OTUD6B: variants seen among roughly 807,000 people sequenced by gnomAD.
The protein encoded by OTUD6B is deubiquitinase OTUD6B.
OTUD6B carries 41 observed loss-of-function variants against 36.9 expected under a neutral mutation model. That is an observed-to-expected ratio of 1.11 (90% CI 0.87 to 1.44). OTUD6B has a LOEUF of 1.44. OTUD6B is among the 40% of genes most tolerant of loss of function. The probability of loss-of-function intolerance (pLI) is 0.00; values close to 1 mark genes in which losing one functional copy is unlikely to be tolerated. For missense variants in OTUD6B, 356 were observed against 344.8 expected (o/e 1.03, Z -0.26); for synonymous variants, 114 against 114.2 (o/e 1.00, Z 0.01).
intron 3 of OTUD6B, among the ~76,000 whole-genome samples, chr8:91,077,375 A>AT (rs1812822161): frequency 6.6e-6 from 1 of 152,028 alleles, no homozygotes. Context: ...CTGTATATTA[A>AT]TTATATGCCT....
chr8:91,073,627 G>T (rs1397832653), intron 2 of OTUD6B: 4 of 297,760 alleles, frequency 1.3e-5, no homozygotes, highest in Non-Finnish European at 2.0e-5. Flanking sequence ...AGGAAAGCAT[G>T]CAGGGATGAG....
Position 91,080,735 on chromosome 8 carries a change from G to A in OTUD6B, c.690+5G>A. On this transcript the variant is annotated splice_donor_5th_base_variant and intron_variant, in intron 5 of 6. Transcript: ENST00000404789. ...GCATGGGGAGGTCAGCTTGAGGTAA[G>A]TTTGTAGTTATTCATAGTGATTGTG... The A allele has an allele frequency of 1.3e-6, 2 of 1,590,994 alleles. No homozygotes were observed. The highest frequency in any genetic ancestry group is 8.6e-7 in the Non-Finnish European group (1 of 1,165,644).
rs1041087481 is a variant in OTUD6B, at chr8:91,070,438, G to C, written c.54G>C (p.Arg18Ser). The C allele has an allele frequency of 1.9e-6, 3 of 1,584,058 alleles. No individual in the cohort carries two copies. Among genetic ancestry groups the C allele is most frequent in the Non-Finnish European group, 2.6e-6 (3 of 1,164,648 alleles). ...ELDEEEQLLR[R>S]HRKEKKELQA... is the part of the protein sequence containing the mutation. ...ATGAGGAAGAGCAGCTGCTGAGAAG[G>C]CATCGCAAAGAGAAGAAGGAGTTGC... Residue 18 changes from arginine to serine, a missense_variant, in exon 1 of 7, where the codon AGG (arginine) becomes AGC (serine). Transcript: ENST00000404789.
At position 91,081,992 on chromosome 8, in the gene OTUD6B, A is replaced by G. The variant is rs1473798077; in HGVS notation, c.690+1262A>G. On this transcript the variant is annotated intron_variant, in intron 5 of 6. Transcript: ENST00000404789. ...GAAATTAAGAAAAACCTTTTAAAAC[A>G]TCTTTTGAGGGACACTTATACATTT... is the stretch of plus-strand genomic sequence containing the variant. 2.0e-5 allele frequency among the ~76,000 whole-genome samples: 3 copies of G among 152,172 alleles called. No homozygotes were observed. The East Asian group carries it at 5.8e-4, about 29-fold the overall frequency.
At chr8:91,073,490 A>T (rs1170066450) in intron 2 of OTUD6B, among the ~76,000 whole-genome samples, 1 of 152,154 alleles carries the variant, frequency 6.6e-6, no homozygotes, top group Non-Finnish European at 1.5e-5. Flanking sequence ...CTGAGCCAGC[A>T]CAGGACCTTT....
chr8:91,073,050 A>G (rs963014319), intron 2 of OTUD6B, among the ~76,000 whole-genome samples: 1 of 152,164 alleles, frequency 6.6e-6, no homozygotes, highest in Non-Finnish European at 1.5e-5. Flanking sequence ...TAATTTCACT[A>G]TAGTTGATAG....
At chr8:91,076,515 G>A (rs1342374515) in intron 3 of OTUD6B, 16 of 1,518,990 alleles carry the variant, frequency 1.1e-5, no homozygotes, top group Non-Finnish European at 1.2e-5. Context: ...ATAAGATAAA[G>A]TGCCACTCTT....
chr8:91,077,235 T>C (rs1563581423), intron 3 of OTUD6B, among the ~76,000 whole-genome samples: 1 of 151,582 alleles, frequency 6.6e-6, no homozygotes, highest in Non-Finnish European at 1.5e-5. Context: ...CATACAGACA[T>C]ACACACACAT....
intron 2 of OTUD6B, among the ~76,000 whole-genome samples, chr8:91,072,616 G>C (rs1812722355): frequency 6.6e-6 from 1 of 152,136 alleles, no homozygotes; most frequent in Admixed American, 6.5e-5. Flanking sequence ...TAGTTATCAA[G>C]TTCCCAACTT....
At chr8:91,077,343 T>C (rs1812821328) in intron 3 of OTUD6B, among the ~76,000 whole-genome samples, 1 of 151,976 alleles carries the variant, frequency 6.6e-6, no homozygotes, top group African/African-American at 2.4e-5. Flanking sequence ...TTCTTTTTAG[T>C]CCTATGTTAA....
In OTUD6B at chr8:91,081,296, CACTT is replaced by C. The variant is rs570692729; in HGVS notation, c.690+569_690+572del. Among the ~76,000 whole-genome samples, 7 of 151,686 alleles carry C rather than the reference CACTT, an allele frequency of 4.6e-5. No homozygotes were observed. In the East Asian group the frequency reaches 1.4e-3, roughly 29 times the overall value. On this transcript the variant is annotated intron_variant, in intron 5 of 6. Coordinates refer to ENST00000404789, the MANE Select transcript of OTUD6B (RefSeq NM_016023.5). ...TATGTAAGAAAACAGTATGTTCAGT[CACTT>C]ACAGGAAGTTATCAAGATTACTTTT...
intron 5 of OTUD6B, among the ~76,000 whole-genome samples, chr8:91,082,745 C>CTTTTTTTT (rs369648071): frequency 1.8e-5 from 2 of 111,854 alleles, no homozygotes; most frequent in African/African-American, 3.7e-5. Context: ...GGTCATATGT[C>CTTTTTTTT]TTTTTTTTTT....
At chr8:91,079,942 A>G (rs1042925290) in intron 4 of OTUD6B, among the ~76,000 whole-genome samples, 19 of 152,144 alleles carry the variant, frequency 1.2e-4, no homozygotes, top group Admixed American at 7.2e-4. Flanking sequence ...CACATGAGAC[A>G]TATTTTTCTT....
At position 91,071,161 on chromosome 8, in the gene OTUD6B, G is replaced by A. The variant is rs139334089; in HGVS notation, c.106G>A (p.Ala36Thr). 3 of 1,613,294 alleles carry A rather than the reference G, an allele frequency of 1.9e-6. No homozygotes were observed. The highest frequency in any genetic ancestry group is 2.7e-5 in the African/African-American group (2 of 74,836). Reference protein sequence around the residue: ...LQAKIQGMKNAVPKNDKKRRK... With the variant: ...LQAKIQGMKNTVPKNDKKRRK... ...AGCCAAAATTCAGGGCATGAAGAATGCTGTTCCCAAGAATGACAAGAAGAG... is the reference window on the plus strand; with the variant it reads ...AGCCAAAATTCAGGGCATGAAGAATACTGTTCCCAAGAATGACAAGAAGAG... The change falls in exon 2 of 7, where the codon GCT becomes ACT. Residue 36 changes from alanine to threonine, a missense_variant. Physicochemically the swap from Ala to Thr is moderately conservative, Grantham distance 58. Transcript: ENST00000404789.
intron 5 of OTUD6B, among the ~76,000 whole-genome samples, chr8:91,081,195 TA>T (rs1363789546): frequency 6.6e-6 from 1 of 151,682 alleles, no homozygotes; most frequent in Admixed American, 6.6e-5. Flanking sequence ...ACAACATATA[TA>T]TTAAAATCGT....
intron 3 of OTUD6B, among the ~76,000 whole-genome samples, chr8:91,076,261 T>G (rs1812800688): frequency 6.6e-6 from 1 of 152,130 alleles, no homozygotes; most frequent in African/African-American, 2.4e-5. Context: ...CATGCTATTT[T>G]CATCTTTTAT....
At position 91,084,966 on chromosome 8, in the gene OTUD6B, C is replaced by A; in HGVS notation, c.*98C>A. On this transcript the variant is annotated 3_prime_UTR_variant, in exon 7 of 7. Coordinates refer to ENST00000404789, the MANE Select transcript of OTUD6B (RefSeq NM_016023.5). The stretch of plus-strand genomic sequence containing the variant: ...TTCTAAATGCTACTGAAAAACACAA[C>A]TACCTTATATCAGTTTTATGGCAAA... 2.0e-6 allele frequency: 1 copy of A among 493,156 alleles called. No individual in the cohort carries two copies. Among genetic ancestry groups the A allele is most frequent in the Non-Finnish European group, 3.5e-6 (1 of 283,548 alleles). The allele number at this position is 493,156 out of a possible 1,614,324, so 30.5% of individuals were successfully genotyped here.
rs1343530587 is a variant in OTUD6B, at chr8:91,086,405, T to G, written c.*1537T>G. 6.6e-6 allele frequency: 1 copy of G among 152,082 alleles called. No individual in the cohort carries two copies. The highest frequency in any genetic ancestry group is 1.5e-5 in the Non-Finnish European group (1 of 67,978). 9.4% of individuals were successfully genotyped at this position (152,082 alleles called of 1,614,324 possible). A position where few individuals can be genotyped will look rare whatever the true frequency, so the allele number is the denominator to read the frequency against. On this transcript the variant is annotated 3_prime_UTR_variant, in exon 7 of 7. Coordinates refer to ENST00000404789, the MANE Select transcript of OTUD6B (RefSeq NM_016023.5). Reference sequence around the variant, plus strand: ...ATTCTGCCTGCCAAACAAATTATATTCTGAAGATGCCTGTTTTGTAACCCT... The same window carrying G: ...ATTCTGCCTGCCAAACAAATTATATGCTGAAGATGCCTGTTTTGTAACCCT...
chr8:91,075,357 G>GC (rs895496355), intron 3 of OTUD6B, among the ~76,000 whole-genome samples: 22 of 151,924 alleles, frequency 1.4e-4, no homozygotes, highest in African/African-American at 5.3e-4. Context: ...ATTTTTGCAT[G>GC]CCAGTAGCAT....
Sources: gnomAD v4.1 joint callset for allele counts (sites outside exome capture counted in the v4.1 genomes callset) on GRCh38, gnomAD v4.1.1 for gene constraint, MANE v1.5 for transcripts, NCBI Gene and HGNC (gene_info 2026-07-23, HGNC 2026-07-21) for gene names.